RHOBTB2: variants seen among roughly 807,000 people sequenced by gnomAD.
The protein encoded by RHOBTB2 is Rho related BTB domain containing 2, also known as rho-related BTB domain-containing protein 2.
In RHOBTB2, 39 loss-of-function variants were observed where a neutral mutation model predicts 66.5. The observed-to-expected ratio is 0.59, with a 90% CI of 0.45 to 0.77. The LOEUF (loss-of-function observed/expected upper bound fraction) is 0.77, where lower values mean the gene tolerates loss of function less well. Among genes scored for constraint, RHOBTB2 ranks in the 30% least tolerant of loss-of-function variants. RHOBTB2 has a pLI of 0.00. For synonymous variants in RHOBTB2, 390 were observed against 395.0 expected (o/e 0.99, Z 0.15); for missense variants, 755 against 999.1 (o/e 0.76, Z 3.29).
rs2128804046 is a variant in RHOBTB2, at chr8:23,006,014, T to C, written c.351T>C (p.His117=). The C allele has an allele frequency of 6.2e-7, 1 of 1,614,066 alleles. No homozygotes were observed. The highest frequency in any genetic ancestry group is 1.3e-5 in the African/African-American group (1 of 74,998). The part of the protein sequence containing the change: ...FSIANPNSLH[H]VKTMWYPEIK... Reference sequence around the variant, plus strand: ...TTGCCAACCCCAATTCCCTCCACCATGTCAAGACCATGTGGTACCCAGAAA... The same window carrying C: ...TTGCCAACCCCAATTCCCTCCACCACGTCAAGACCATGTGGTACCCAGAAA... The change falls in exon 4 of 10, where the codon CAT becomes CAC. Residue 117 remains histidine, a synonymous_variant. Transcript: ENST00000251822. This position sits in a 1 kb window ranked among gnomAD's most constrained non-coding sequence, Gnocchi z 6.1.
In RHOBTB2 at chr8:23,018,410, C is replaced by T. The variant is rs1355351775; in HGVS notation, c.*941C>T. ...GAAAAATCAACAAACACTCTGTCCT[C>T]TATCCCTCCAAAGAATGAAAATCAG... is the stretch of plus-strand genomic sequence containing the variant. On this transcript the variant is annotated 3_prime_UTR_variant, in exon 10 of 10. Transcript: ENST00000251822. 3 of 152,690 alleles carry T rather than the reference C, an allele frequency of 2.0e-5. No individual in the cohort carries two copies. The highest frequency in any genetic ancestry group is 2.0e-4 in the Admixed American group (3 of 15,292). 9.5% of individuals were successfully genotyped at this position (152,690 alleles called of 1,614,324 possible). A position where few individuals can be genotyped will look rare whatever the true frequency, so the allele number is the denominator to read the frequency against.
At chr8:23,015,768 A>AGCAG in intron 9 of RHOBTB2, 25 bp downstream of exon 9, 6 of 1,506,686 alleles carry the variant, frequency 4.0e-6, no homozygotes, top group Non-Finnish European at 4.6e-6. Context: ...CAGTCCTGGC[A>AGCAG]GTACCTGCTG....
the RHOBTB2 span, among the ~76,000 whole-genome samples, chr8:22,960,311 C>T: frequency 6.6e-6 from 1 of 151,456 alleles, no homozygotes; most frequent in African/African-American, 2.4e-5. Context: ...CCTCCCCTCC[C>T]CTCCCCTCCC....
chr8:22,956,936 A>C, the RHOBTB2 span, among the ~76,000 whole-genome samples: 1 of 152,214 alleles, frequency 6.6e-6, no homozygotes, highest in South Asian at 2.1e-4. Context: ...CTGGAATTAC[A>C]GGCATGAGCT....
At chr8:22,954,638 C>A in the RHOBTB2 span, among the ~76,000 whole-genome samples, 1 of 152,102 alleles carries the variant, frequency 6.6e-6, no homozygotes, top group Non-Finnish European at 1.5e-5. Flanking sequence ...TGATGCCATA[C>A]TTTAAACAGA....
Position 23,017,118 on chromosome 8 carries a change from C to A in RHOBTB2, c.1967-134C>A. The stretch of plus-strand genomic sequence containing the variant: ...TTGCTTGCCTCGGAGGCTCATGTGC[C>A]GTGGGTCATGGGGATGTGCTGGGGG... On this transcript the variant is annotated intron_variant, in intron 9 of 9. Coordinates refer to ENST00000251822, the MANE Select transcript of RHOBTB2 (RefSeq NM_015178.3). This position sits in a 1 kb window ranked among gnomAD's most constrained non-coding sequence, Gnocchi z 5.3. The A allele has an allele frequency of 8.7e-7, 1 of 1,152,716 alleles. No homozygotes were observed. The highest frequency in any genetic ancestry group is 1.3e-6 in the Non-Finnish European group (1 of 798,580). The allele number at this position is 1,152,716 out of a possible 1,614,324, so 71.4% of individuals were successfully genotyped here. A position where few individuals can be genotyped will look rare whatever the true frequency, so the allele number is the denominator to read the frequency against.
chr8:22,992,334 C>T (rs1810446237), intron 2 of RHOBTB2, among the ~76,000 whole-genome samples: 1 of 152,100 alleles, frequency 6.6e-6, no homozygotes, highest in Admixed American at 6.5e-5. Context: ...TTCCATGCTG[C>T]AAGAGATGCT....
the RHOBTB2 span, among the ~76,000 whole-genome samples, chr8:22,961,587 T>C: frequency 6.6e-6 from 1 of 152,174 alleles, no homozygotes; most frequent in Admixed American, 6.5e-5. Context: ...CCTCGTAAGG[T>C]ACATCATTGA....
In RHOBTB2 at chr8:23,008,139, G is replaced by A. The variant is rs778625577; in HGVS notation, c.1620+28G>A. 2.0e-6 allele frequency: 3 copies of A among 1,492,892 alleles called. No homozygotes were observed. The South Asian group carries it at 3.4e-5, about 17-fold the overall frequency. 92.5% of individuals were successfully genotyped at this position (1,492,892 alleles called of 1,614,324 possible). ...AAGGCTGAGGACACAAAGGGGGGAA[G>A]GAGGGAGTGAGACATTTGCACCCTT... On this transcript the variant is annotated intron_variant, in intron 6 of 9. Coordinates refer to ENST00000251822, the MANE Select transcript of RHOBTB2 (RefSeq NM_015178.3).
the RHOBTB2 span, among the ~76,000 whole-genome samples, chr8:22,978,716 C>T: frequency 6.6e-6 from 1 of 151,824 alleles, no homozygotes; most frequent in Non-Finnish European, 1.5e-5. Context: ...TAAATTATAA[C>T]TGCATGTTCA....
chr8:22,960,701 C>A, the RHOBTB2 span, among the ~76,000 whole-genome samples: 1 of 152,168 alleles, frequency 6.6e-6, no homozygotes, highest in African/African-American at 2.4e-5. Context: ...GCAAGACAAT[C>A]AATAAAACTT....
chr8:22,975,085 C>T, the RHOBTB2 span, among the ~76,000 whole-genome samples: 5 of 152,116 alleles, frequency 3.3e-5, no homozygotes, highest in Non-Finnish European at 7.4e-5. Flanking sequence ...ACATGGGAGG[C>T]GCCTCCTCTC....
At chr8:22,961,199 G>A in the RHOBTB2 span, among the ~76,000 whole-genome samples, 1 of 152,024 alleles carries the variant, frequency 6.6e-6, no homozygotes, top group Non-Finnish European at 1.5e-5. Context: ...ATTAAGTCAG[G>A]CCCTGCAATC....
Position 23,004,575 on chromosome 8 carries a change from C to A in RHOBTB2, c.141C>A (p.Ala47=). The A allele has an allele frequency of 6.2e-7, 1 of 1,614,148 alleles. No individual in the cohort carries two copies. The highest frequency in any genetic ancestry group is 8.5e-7 in the Non-Finnish European group (1 of 1,180,034). The stretch of plus-strand genomic sequence containing the variant: ...CCCTCACCCAGTACCAGCTGCTGGC[C>A]ACGCATGTGCCCACAGTATGGGCCA... ...NATLTQYQLL[A]THVPTVWAID... The change falls in exon 2 of 10, where the codon GCC becomes GCA. Residue 47 remains alanine (A), a synonymous_variant. Coordinates refer to ENST00000251822, the MANE Select transcript of RHOBTB2 (RefSeq NM_015178.3). The surrounding 1 kb of genome is among the most constrained non-coding windows in gnomAD (Gnocchi z 6.4).
intron 7 of RHOBTB2, among the ~76,000 whole-genome samples, chr8:23,013,196 A>C (rs1372989120): frequency 6.6e-6 from 1 of 152,022 alleles, no homozygotes; most frequent in Non-Finnish European, 1.5e-5. Context: ...GGCTTCCCAA[A>C]GTGCTGTGAT....
chr8:23,013,735 A>T (rs1253764549), intron 7 of RHOBTB2, among the ~76,000 whole-genome samples: 1 of 152,146 alleles, frequency 6.6e-6, no homozygotes, highest in East Asian at 1.9e-4. Context: ...GCCTCAAGTG[A>T]TCCACCCGCC....
upstream of RHOBTB2, chr8:22,994,730 AGCACTAGACT>A: frequency 1.0e-6 from 1 of 973,410 alleles, no homozygotes; most frequent in Non-Finnish European, 1.6e-6. Context: ...TGTTTGTTGA[AGCACTAGACT>A]GCAAGCACTA....
Position 23,006,965 on chromosome 8 carries a change from C to G in RHOBTB2, c.720C>G (p.Pro240=), listed in dbSNP as rs763928655. ...QAPFLPPKPP[P]PIIVVPDPPS... ...CCTTCCTACCCCCCAAGCCACCGCCCCCGATCATCGTGGTGCCCGACCCTC... is the reference window on the plus strand; with the variant it reads ...CCTTCCTACCCCCCAAGCCACCGCCGCCGATCATCGTGGTGCCCGACCCTC... Residue 240 remains proline (P), a synonymous_variant, in exon 5 of 10, where the codon CCC becomes CCG. Transcript: ENST00000251822. This position sits in a 1 kb window ranked among gnomAD's most constrained non-coding sequence, Gnocchi z 6.1. 1 of 1,611,610 alleles carries G rather than the reference C, an allele frequency of 6.2e-7. No individual in the cohort carries two copies. The highest frequency in any genetic ancestry group is 8.5e-7 in the Non-Finnish European group (1 of 1,179,982).
chr8:23,001,218 C>A (rs1810769097), intron 1 of RHOBTB2, among the ~76,000 whole-genome samples: 1 of 151,854 alleles, frequency 6.6e-6, no homozygotes, highest in African/African-American at 2.4e-5. Flanking sequence ...ATGCCCAGGG[C>A]TGGGTGGTGA....
Sources: gnomAD v4.1 joint callset for allele counts (sites outside exome capture counted in the v4.1 genomes callset) on GRCh38, gnomAD v4.1.1 for gene constraint, Gnocchi (gnomAD v3.1) non-coding constraint, MANE v1.5 for transcripts, NCBI Gene and HGNC (gene_info 2026-07-23, HGNC 2026-07-21) for gene names.